The following INPP4A variants were observed in gnomAD, a reference collection of about 807,000 sequenced individuals.
The protein encoded by INPP4A is inositol polyphosphate-4-phosphatase, type I, 107kD.
Under a neutral mutation model 119.8 loss-of-function variants are expected in INPP4A, and 33 were observed. That is an observed-to-expected ratio of 0.28 (90% CI 0.21 to 0.37). The LOEUF (loss-of-function observed/expected upper bound fraction) is 0.37, where lower values mean the gene tolerates loss of function less well. Among genes scored for constraint, INPP4A ranks in the 10% least tolerant of loss-of-function variants. The probability of loss-of-function intolerance (pLI) is 1.00; values close to 1 mark genes in which losing one functional copy is unlikely to be tolerated. For missense variants in INPP4A, 956 were observed against 1,289.9 expected, an observed-to-expected ratio of 0.74 and a Z score of 3.97; for synonymous variants, 496 against 500.7, an observed-to-expected ratio of 0.99 and a Z score of 0.12.
chr2:98,533,088 T>C (rs1297260568), intron 4 of INPP4A, among the ~76,000 whole-genome samples: 1 of 152,210 alleles, frequency 6.6e-6, no homozygotes, highest in Non-Finnish European at 1.5e-5. Flanking sequence ...GTTGGACCTA[T>C]ATGAGATTTC....
chr2:98,466,442 A>C (rs1468352113), intron 1 of INPP4A, among the ~76,000 whole-genome samples: 31 of 152,270 alleles, frequency 2.0e-4, no homozygotes, highest in Admixed American at 2.0e-3. Context: ...ACAGATTACA[A>C]TGAGTCACCG....
At chr2:98,535,550 A>G (rs1202489834) in intron 5 of INPP4A, among the ~76,000 whole-genome samples, 179 bp from the exon 6 acceptor site, 3 of 152,196 alleles carry the variant, frequency 2.0e-5, no homozygotes, top group East Asian at 3.9e-4. Flanking sequence ...TCTCTTTTAA[A>G]AAGCAGAGTT....
At chr2:98,543,733 ACAGG>A in intron 10 of INPP4A, 140 bp from the exon 11 acceptor site, 1 of 993,468 alleles carries the variant, frequency 1.0e-6, no homozygotes, top group Non-Finnish European at 1.5e-6. Context: ...TGCCCTTTAG[ACAGG>A]CAGTGTAACC....
intron 4 of INPP4A, among the ~76,000 whole-genome samples, chr2:98,532,531 T>A (rs1689432176): frequency 6.6e-6 from 1 of 152,212 alleles, no homozygotes; most frequent in African/African-American, 2.4e-5. Context: ...TGTCATTAGG[T>A]GATTTCATCC....
chr2:98,487,951 A>G (rs1015853231), intron 1 of INPP4A, among the ~76,000 whole-genome samples: 1 of 152,326 alleles, frequency 6.6e-6, no homozygotes, highest in South Asian at 2.1e-4. Context: ...TGGCAGTGTT[A>G]CGTGCCCAGG....
At chr2:98,564,349 G>A (rs1277834388) in intron 18 of INPP4A, among the ~76,000 whole-genome samples, 1 of 152,200 alleles carries the variant, frequency 6.6e-6, no homozygotes, top group African/African-American at 2.4e-5. Flanking sequence ...AATTAATAAT[G>A]GGCTTCCAGA....
rs772390907 is a variant in INPP4A at position 98,546,120 on chromosome 2, T to C, written c.1054+47T>C. The C allele has an allele frequency of 7.5e-7, 1 of 1,339,690 alleles. No homozygotes were observed. 83.0% of individuals were successfully genotyped at this position (1,339,690 alleles called of 1,614,324 possible). A position where few individuals can be genotyped will look rare whatever the true frequency, so the allele number is the denominator to read the frequency against. On this transcript the variant is annotated intron_variant, in intron 12 of 24. Transcript: ENST00000409851. The surrounding 1 kb of genome is among the most constrained non-coding windows in gnomAD (Gnocchi z 4.2). ...CTTGTTGAATCACATTTCGCTGCTT[T>C]TCTCTGTGGGTACTTGGTCCCTGAG...
chr2:98,547,231 G>A (rs947388714), intron 13 of INPP4A, among the ~76,000 whole-genome samples: 6 of 152,190 alleles, frequency 3.9e-5, no homozygotes, highest in Admixed American at 1.3e-4. Flanking sequence ...TGCTGGGGGC[G>A]GAGAGCTAAG....
In INPP4A at chr2:98,564,766, G is replaced by A. The variant is rs544903336; in HGVS notation, c.2152+3G>A. On this transcript the variant is annotated splice_donor_region_variant and intron_variant, in intron 19 of 24. Coordinates refer to ENST00000409851, the MANE Select transcript of INPP4A (RefSeq NM_001134225.2). ...CGAGAGCCTGCTGAGCACCTACGGT[G>A]AGGCGCCCGGGCCAGGATCGGGAGC... The A allele has an allele frequency of 1.3e-5, 21 of 1,580,552 alleles. No individual in the cohort carries two copies. The East Asian group carries it at 4.6e-4, about 35-fold the overall frequency.
In INPP4A at chr2:98,478,948, C is replaced by T. The variant is rs115888459; in HGVS notation, c.-166+33863C>T. Among the ~76,000 whole-genome samples the T allele has an allele frequency of 8.5e-3, 1,290 of 152,260 alleles. 9 individuals are homozygous for T. The highest frequency in any genetic ancestry group is 0.015 in the Admixed American group (222 of 15,292). On this transcript the variant is annotated intron_variant, in intron 1 of 24. Transcript: ENST00000409851. ...TCAGGCATCTTTCGAAGATGGCAGGCTAGAGATAGCTACTCCAACTTGAAT... is the reference window on the plus strand; with the variant it reads ...TCAGGCATCTTTCGAAGATGGCAGGTTAGAGATAGCTACTCCAACTTGAAT...
At chr2:98,494,483 T>C (rs1264470511) in intron 1 of INPP4A, among the ~76,000 whole-genome samples, 16 of 152,126 alleles carry the variant, frequency 1.1e-4, no homozygotes. Context: ...ACACAGTCTG[T>C]GCGCCCAGCT....
intron 4 of INPP4A, among the ~76,000 whole-genome samples, chr2:98,523,549 C>T (rs1687640680): frequency 6.6e-6 from 1 of 152,044 alleles, no homozygotes; most frequent in Non-Finnish European, 1.5e-5. Flanking sequence ...CACCCACCAC[C>T]ACACCCAGCT....
At chr2:98,553,556 TACACACACACACGCTCTCATAC>T (rs1693932049) in intron 14 of INPP4A, among the ~76,000 whole-genome samples, 1 of 150,350 alleles carries the variant, frequency 6.7e-6, no homozygotes, top group Non-Finnish European at 1.5e-5. Flanking sequence ...CACGCTCTCA[TACACACACACACGCTCTCATAC>T]ACACACACAC....
chr2:98,462,279 T>C (rs1673722152), intron 1 of INPP4A, among the ~76,000 whole-genome samples: 1 of 151,998 alleles, frequency 6.6e-6, no homozygotes, highest in South Asian at 2.1e-4. Context: ...AAACCCCATC[T>C]CTACTAAAAA....
At chr2:98,540,342 G>C (rs1011541793) in intron 10 of INPP4A, among the ~76,000 whole-genome samples, 30 of 152,328 alleles carry the variant, frequency 2.0e-4, no homozygotes, top group Admixed American at 3.9e-4. Flanking sequence ...TAGGGTCATA[G>C]ATAAGGGCTC....
At chr2:98,481,739 C>G (rs968079664) in intron 1 of INPP4A, among the ~76,000 whole-genome samples, 2 of 152,096 alleles carry the variant, frequency 1.3e-5, no homozygotes, top group African/African-American at 4.8e-5. Context: ...TTGCAGAATC[C>G]CAGGAAGACA....
Position 98,554,275 on chromosome 2 carries a change from G to A in INPP4A, c.1352G>A (p.Arg451Gln), listed in dbSNP as rs1476382968. The change falls in exon 15 of 25, where the codon CGG becomes CAG. Residue 451 changes from arginine (R) to glutamine (Q), a missense_variant. Transcript: ENST00000409851. The surrounding 1 kb of genome is among the most constrained non-coding windows in gnomAD (Gnocchi z 4.7). ...RTLAILADKT[R>Q]QLVTVCDCKL... is the part of the protein sequence containing the mutation. Reference sequence around the variant, plus strand: ...TTGGTTTGTGTGCACCTGCAGACACGGCAGCTGGTCACGGTCTGCGACTGC... The same window carrying A: ...TTGGTTTGTGTGCACCTGCAGACACAGCAGCTGGTCACGGTCTGCGACTGC... 5.0e-6 allele frequency: 8 copies of A among 1,600,944 alleles called. No homozygotes were observed. The highest frequency in any genetic ancestry group is 2.7e-5 in the African/African-American group (2 of 74,612).
intron 1 of INPP4A, among the ~76,000 whole-genome samples, chr2:98,502,110 G>A (rs1357611293): frequency 6.6e-6 from 1 of 152,190 alleles, no homozygotes; most frequent in African/African-American, 2.4e-5. Flanking sequence ...TGGTCCTCAC[G>A]GAACCCTGGT....
intron 1 of INPP4A, among the ~76,000 whole-genome samples, chr2:98,461,623 A>G (rs1458980796): frequency 6.6e-6 from 1 of 152,200 alleles, no homozygotes; most frequent in South Asian, 2.1e-4. Flanking sequence ...TTCCTACCCT[A>G]TCCTCTAGCC....
Sources: allele counts gnomAD v4.1 joint callset (sites outside exome capture counted in the v4.1 genomes callset), GRCh38; gene constraint gnomAD v4.1.1; non-coding constraint Gnocchi (gnomAD v3.1); transcripts MANE v1.5; gene names NCBI Gene and HGNC (gene_info 2026-07-23, HGNC 2026-07-21).